Variants in OXTR observed in about 807,000 individuals in gnomAD.
OXTR encodes the protein oxytocin receptor.
In OXTR, 19 loss-of-function variants were observed where a neutral mutation model predicts 23.9. The observed-to-expected ratio is 0.80, with a 90% confidence interval of 0.56 to 1.17. The LOEUF is 1.17. OXTR is among the 50% of genes most tolerant of loss of function. The pLI, the probability that OXTR is intolerant of heterozygous loss-of-function variation, is 0.00. For synonymous variants in OXTR, 278 were observed against 250.5 expected (o/e 1.11, Z -1.04); for missense variants, 500 against 550.7 (o/e 0.91, Z 0.92).
the OXTR span, among the ~76,000 whole-genome samples, chr3:8,743,949 G>C: frequency 6.6e-6 from 1 of 151,652 alleles, no homozygotes; most frequent in African/African-American, 2.4e-5. Context: ...TTTTAATATT[G>C]GTGATGCAAT....
At chr3:8,765,173 T>G (rs1708577615) in intron 3 of OXTR, among the ~76,000 whole-genome samples, 1 of 152,216 alleles carries the variant, frequency 6.6e-6, no homozygotes, top group Non-Finnish European at 1.5e-5. Flanking sequence ...GTTGACGTGC[T>G]TTTAAAGTGT....
Position 8,768,283 on chromosome 3 carries a change from G to T in OXTR, c.-96C>A. On this transcript the variant is annotated 5_prime_UTR_variant, in exon 3 of 4. Coordinates refer to ENST00000316793, the MANE Select transcript of OXTR (RefSeq NM_000916.4). This position sits in a 1 kb window ranked among gnomAD's most constrained non-coding sequence, Gnocchi z 5.4. Reference sequence around the variant, plus strand: ...CGTGTCGGAGGGTGTAGGGGCGCCCGGGGCTCCACTCCTGGAGACTCCACG... The same window carrying T: ...CGTGTCGGAGGGTGTAGGGGCGCCCTGGGCTCCACTCCTGGAGACTCCACG... The T allele has an allele frequency of 8.1e-7, 1 of 1,229,336 alleles. No homozygotes were observed. Among genetic ancestry groups the T allele is most frequent in the South Asian group, 3.8e-5 (1 of 26,058 alleles). 76.2% of individuals were successfully genotyped at this position (1,229,336 alleles called of 1,614,324 possible).
downstream of OXTR, chr3:8,745,989 G>C: frequency 2.7e-6 from 2 of 732,048 alleles, no homozygotes; most frequent in South Asian, 1.8e-5. This position sits in a 1 kb window ranked among gnomAD's most constrained non-coding sequence, Gnocchi z 4.8. Context: ...CATACCCCAT[G>C]ATGGAGCACA....
At chr3:8,762,480 T>C (rs1164484971) in intron 3 of OXTR, among the ~76,000 whole-genome samples, 1 of 152,236 alleles carries the variant, frequency 6.6e-6, no homozygotes, top group Non-Finnish European at 1.5e-5. Flanking sequence ...ACTGTCCATC[T>C]AATTGTGATT....
Position 8,752,855 on chromosome 3 carries a change from G to T in OXTR, c.*122C>A. The T allele has an allele frequency of 9.1e-7, 1 of 1,097,274 alleles. No homozygotes were observed. The highest frequency in any genetic ancestry group is 1.3e-6 in the Non-Finnish European group (1 of 789,898). The allele number at this position is 1,097,274 out of a possible 1,614,324, so 68.0% of individuals were successfully genotyped here. On this transcript the variant is annotated 3_prime_UTR_variant, in exon 4 of 4. Transcript: ENST00000316793. The stretch of plus-strand genomic sequence containing the variant: ...CTCCACCCCACTGAAGCCACCCCAA[G>T]GAGGGGAGGGATACAAACTGATAGG...
At chr3:8,756,215 T>A (rs1370305700) in intron 3 of OXTR, among the ~76,000 whole-genome samples, 1 of 152,192 alleles carries the variant, frequency 6.6e-6, no homozygotes, top group East Asian at 1.9e-4. Context: ...TGGAAAATAT[T>A]GTCCTTACAT....
intron 3 of OXTR, among the ~76,000 whole-genome samples, chr3:8,759,169 C>T (rs1708436979): frequency 6.6e-6 from 1 of 152,196 alleles, no homozygotes; most frequent in African/African-American, 2.4e-5. Context: ...TAACTGTCCA[C>T]CGTTCTTGAT....
chr3:8,745,063 G>A, the OXTR span: 844 of 168,966 alleles, frequency 5.0e-3, 3 homozygotes, highest in Non-Finnish European at 8.0e-3. This position sits in a 1 kb window ranked among gnomAD's most constrained non-coding sequence, Gnocchi z 4.8. Flanking sequence ...GGTGGGGCCG[G>A]GTGGGAGGTG....
chr3:8,754,215 A>C (rs1336412395), intron 3 of OXTR, among the ~76,000 whole-genome samples: 2 of 152,236 alleles, frequency 1.3e-5, no homozygotes, highest in Non-Finnish European at 2.9e-5. Context: ...ATCAGAAATC[A>C]GCTTCAAGAC....
intron 3 of OXTR, among the ~76,000 whole-genome samples, chr3:8,755,958 A>C (rs1379976449): frequency 6.6e-6 from 1 of 152,202 alleles, no homozygotes; most frequent in African/African-American, 2.4e-5. Flanking sequence ...GGGGAGTTTC[A>C]CAAGAGAAGA....
the OXTR span, chr3:8,742,752 AT>A: frequency 5.8e-3 from 1,735 of 299,564 alleles, 39 homozygotes; most frequent in African/African-American, 0.036. Context: ...GGATGGATGG[AT>A]GAAAGGATGG....
the OXTR span, among the ~76,000 whole-genome samples, chr3:8,743,283 A>G: frequency 1.3e-5 from 2 of 152,258 alleles, no homozygotes; most frequent in South Asian, 2.1e-4. Flanking sequence ...TGAAAGAAAA[A>G]TGATCTCAGT....
rs377198547 is a variant in OXTR at position 8,759,994 on chromosome 3, G to C, written c.923-6770C>G. Among the ~76,000 whole-genome samples, 17 of 152,328 alleles carry C rather than the reference G, an allele frequency of 1.1e-4. No homozygotes were observed. The East Asian group carries it at 3.3e-3, about 29-fold the overall frequency. On this transcript the variant is annotated intron_variant, in intron 3 of 3. Transcript: ENST00000316793. The stretch of plus-strand genomic sequence containing the variant: ...CCTCCCGCCTCCTCCAGGTGAGACA[G>C]TTGTTTCTCTTTCAATACTCTTGTT...
downstream of OXTR, among the ~76,000 whole-genome samples, chr3:8,748,897 C>T (rs1339547984): frequency 7.9e-5 from 12 of 151,930 alleles, no homozygotes; most frequent in Admixed American, 7.9e-4. Flanking sequence ...TTTTTTTTTC[C>T]AGCGCTTAAA....
chr3:8,769,349 C>T lies in OXTR; in HGVS notation c.-357G>A, dbSNP rs1307120721. ...GAGTTGGGATGGCCTGCCGGCTGCA[C>T]CTAATGTGATGCTAAGCTGAGGTCT... On this transcript the variant is annotated 5_prime_UTR_variant, in exon 1 of 4. It adds an upstream start codon to the 5' untranslated region. Coordinates refer to ENST00000316793, the MANE Select transcript of OXTR (RefSeq NM_000916.4). 2.0e-5 allele frequency: 3 copies of T among 152,342 alleles called. No individual in the cohort carries two copies. The highest frequency in any genetic ancestry group is 7.2e-5 in the African/African-American group (3 of 41,480). 9.4% of individuals were successfully genotyped at this position (152,342 alleles called of 1,614,324 possible).
chr3:8,744,966 G>C, the OXTR span: 1 of 155,476 alleles, frequency 6.4e-6, no homozygotes, highest in African/African-American at 2.4e-5. Flanking sequence ...CTCCAGACTT[G>C]GGGAGTCGGA....
In OXTR at chr3:8,763,128, T is replaced by G. The variant is rs1198027637; in HGVS notation, c.922+4138A>C. Among the ~76,000 whole-genome samples the G allele has an allele frequency of 3.3e-5, 5 of 152,246 alleles. No individual in the cohort carries two copies. In the East Asian group the frequency reaches 9.7e-4, roughly 29 times the overall value. On this transcript the variant is annotated intron_variant, in intron 3 of 3. Transcript: ENST00000316793. ...AGCGTCCCTGCTGTGATAGGGCTCA[T>G]AGTCCACCTCTCCGGCCTTAACAAG...
At chr3:8,760,085 G>C (rs911392742) in intron 3 of OXTR, among the ~76,000 whole-genome samples, 3 of 152,174 alleles carry the variant, frequency 2.0e-5, no homozygotes, top group Non-Finnish European at 4.4e-5. Context: ...AAAATGCTAG[G>C]CCTGTACCCA....
In OXTR at chr3:8,768,029, C is replaced by T. The variant is rs202237352; in HGVS notation, c.159G>A (p.Ala53=). The T allele has an allele frequency of 3.9e-5, 63 of 1,603,824 alleles. No individual in the cohort carries two copies. The East Asian group carries it at 1.2e-3, about 30-fold the overall frequency. The change falls in exon 3 of 4, where the codon GCG becomes GCA. Residue 53 remains alanine, a synonymous_variant. Coordinates refer to ENST00000316793, the MANE Select transcript of OXTR (RefSeq NM_000916.4). This position sits in a 1 kb window ranked among gnomAD's most constrained non-coding sequence, Gnocchi z 5.4. ...VAVLCLILLL[A]LSGNACVLLA... is the part of the protein sequence containing the mutation. ...GCAGCACACACGCGTTCCCGCTCAGCGCCAGGAGCAGGATGAGACACAGCA... is the reference window on the plus strand; with the variant it reads ...GCAGCACACACGCGTTCCCGCTCAGTGCCAGGAGCAGGATGAGACACAGCA...
Sources: gnomAD v4.1 joint callset for allele counts (sites outside exome capture counted in the v4.1 genomes callset) on GRCh38, gnomAD v4.1.1 for gene constraint, Gnocchi (gnomAD v3.1) non-coding constraint, MANE v1.5 for transcripts, NCBI Gene and HGNC (gene_info 2026-07-23, HGNC 2026-07-21) for gene names.